Variants in NEGR1 observed in about 807,000 individuals in gnomAD.
NEGR1 encodes the protein IgLON family member 4.
A neutral mutation model predicts 40.9 loss-of-function variants in NEGR1; 10 were observed. The ratio of observed to expected loss-of-function variants is 0.24; its 90% CI spans 0.15 to 0.42. The LOEUF is 0.42. Among genes scored for constraint, NEGR1 ranks in the 10% least tolerant of loss-of-function variants. The pLI, the probability that NEGR1 is intolerant of heterozygous loss-of-function variation, is 1.00. For missense variants in NEGR1, 352 were observed against 438.9 expected, an observed-to-expected ratio of 0.80 and a Z score of 1.77; for synonymous variants, 185 against 166.8, an observed-to-expected ratio of 1.11 and a Z score of -0.84.
chr1:71,719,141 T>C (rs1044632597), intron 3 of NEGR1, among the ~76,000 whole-genome samples: 6 of 152,166 alleles, frequency 3.9e-5, no homozygotes, highest in Non-Finnish European at 8.8e-5. Flanking sequence ...ATTAAGCCTT[T>C]GGTTTCTGTG....
At chr1:71,971,836 T>A (rs1028738652) in intron 1 of NEGR1, among the ~76,000 whole-genome samples, 1 of 152,234 alleles carries the variant, frequency 6.6e-6, no homozygotes, top group Non-Finnish European at 1.5e-5. Context: ...ACTTTTATCA[T>A]AATATTTTCA....
At chr1:72,084,260 C>G (rs1648123690) in intron 1 of NEGR1, among the ~76,000 whole-genome samples, 1 of 151,954 alleles carries the variant, frequency 6.6e-6, no homozygotes, top group Non-Finnish European at 1.5e-5. Flanking sequence ...CAAAATAGGC[C>G]CCTGATGTTT....
chr1:72,220,434 C>G (rs1653974731), intron 1 of NEGR1, among the ~76,000 whole-genome samples: 1 of 151,902 alleles, frequency 6.6e-6, no homozygotes, highest in East Asian at 1.9e-4. Context: ...TCTCTTCCCT[C>G]TTCCTTTCTG....
intron 1 of NEGR1, among the ~76,000 whole-genome samples, chr1:72,038,033 C>G (rs149765130): frequency 1.3e-5 from 2 of 152,196 alleles, no homozygotes; most frequent in Non-Finnish European, 2.9e-5. Context: ...TTTCTAAATA[C>G]TATGGTCTCA....
intron 4 of NEGR1, among the ~76,000 whole-genome samples, chr1:71,673,197 C>G (rs1315608873): frequency 6.6e-6 from 1 of 151,982 alleles, no homozygotes; most frequent in Non-Finnish European, 1.5e-5. Context: ...CAAGATCATG[C>G]CACTGCACTC....
At chr1:72,148,690 C>A (rs1475345872) in intron 1 of NEGR1, among the ~76,000 whole-genome samples, 1 of 152,158 alleles carries the variant, frequency 6.6e-6, no homozygotes. Flanking sequence ...TCATCTCTCT[C>A]AAGTTAAAGT....
intron 1 of NEGR1, among the ~76,000 whole-genome samples, chr1:72,078,874 A>C (rs1169991411): frequency 4.6e-5 from 7 of 150,670 alleles, no homozygotes; most frequent in Non-Finnish European, 1.0e-4. Context: ...TCCTGACCTC[A>C]GGTGACCTGT....
intron 2 of NEGR1, among the ~76,000 whole-genome samples, chr1:71,850,244 C>T (rs920581727): frequency 6.6e-6 from 1 of 152,132 alleles, no homozygotes; most frequent in African/African-American, 2.4e-5. Context: ...CAACCTCCAC[C>T]TTTTGGGCTC....
At chr1:72,038,954 CAAAAT>C (rs377224776) in intron 1 of NEGR1, among the ~76,000 whole-genome samples, 138 of 151,788 alleles carry the variant, frequency 9.1e-4, no homozygotes, top group African/African-American at 2.9e-3. Flanking sequence ...TGAATATAAA[CAAAAT>C]AAAATGTGAG....
At chr1:71,670,857 C>T (rs1312820355) in intron 4 of NEGR1, among the ~76,000 whole-genome samples, 1 of 151,910 alleles carries the variant, frequency 6.6e-6, no homozygotes, top group African/African-American at 2.4e-5. Flanking sequence ...CAGCAGATGC[C>T]TAGAATAAAA....
At chr1:71,850,305 G>A (rs1033239081) in intron 2 of NEGR1, among the ~76,000 whole-genome samples, 1 of 151,894 alleles carries the variant, frequency 6.6e-6, no homozygotes, top group African/African-American at 2.4e-5. Context: ...GTAGGCATGA[G>A]CCATCATGCC....
intron 1 of NEGR1, among the ~76,000 whole-genome samples, chr1:72,136,599 A>T (rs1281713675): frequency 6.6e-6 from 1 of 150,510 alleles, no homozygotes; most frequent in Non-Finnish European, 1.5e-5. Flanking sequence ...TTAGCCAGCA[A>T]AAAAAATGAA....
At chr1:71,474,090 A>G (rs1646802311) in intron 6 of NEGR1, among the ~76,000 whole-genome samples, 1 of 152,012 alleles carries the variant, frequency 6.6e-6, no homozygotes, top group South Asian at 2.1e-4. Flanking sequence ...AAAATCCTGG[A>G]CAAATTTCCA....
At chr1:71,531,611 T>C (rs1209145014) in intron 6 of NEGR1, among the ~76,000 whole-genome samples, 1 of 151,348 alleles carries the variant, frequency 6.6e-6, no homozygotes, top group African/African-American at 2.4e-5. Flanking sequence ...GTTCTAATTA[T>C]ATTAATATGA....
chr1:72,229,974 G>C (rs1422711389), intron 1 of NEGR1, among the ~76,000 whole-genome samples: 1 of 152,064 alleles, frequency 6.6e-6, no homozygotes, highest in South Asian at 2.1e-4. Context: ...CAGTACATTA[G>C]AATATATCAT....
intron 3 of NEGR1, among the ~76,000 whole-genome samples, chr1:71,704,286 G>A (rs1407271370): frequency 6.6e-6 from 1 of 151,400 alleles, no homozygotes; most frequent in African/African-American, 2.4e-5. Flanking sequence ...ACAGAGCTAT[G>A]GAAATAGTAA....
chr1:72,113,856 T>A (rs951748498), intron 1 of NEGR1, among the ~76,000 whole-genome samples: 1 of 151,734 alleles, frequency 6.6e-6, no homozygotes, highest in Admixed American at 6.6e-5. Context: ...ATTTAACTCT[T>A]GTGTGTGACG....
intron 6 of NEGR1, among the ~76,000 whole-genome samples, chr1:71,498,176 G>C (rs1022965265): frequency 6.7e-6 from 1 of 149,964 alleles, no homozygotes; most frequent in Non-Finnish European, 1.5e-5. Context: ...CTCTTGGAAT[G>C]GTTTAGCAAT....
rs545875771 is a variant in NEGR1 at position 71,662,914 on chromosome 1, C to T, written c.667+35094G>A. Among the ~76,000 whole-genome samples the T allele has an allele frequency of 7.8e-4, 118 of 151,792 alleles. 1 individual carries two copies. The highest frequency in any genetic ancestry group is 2.6e-3 in the African/African-American group (109 of 41,482). ...TTATATCCAGTAATATCTACCCACT[C>T]TCTGGAATTAATTACTTCTACCAGT... On this transcript the variant is annotated intron_variant, in intron 4 of 6. Coordinates refer to ENST00000357731, the MANE Select transcript of NEGR1 (RefSeq NM_173808.3).
Sources: gnomAD v4.1 joint callset for allele counts (sites outside exome capture counted in the v4.1 genomes callset) on GRCh38, gnomAD v4.1.1 for gene constraint, MANE v1.5 for transcripts, NCBI Gene and HGNC (gene_info 2026-07-23, HGNC 2026-07-21) for gene names.